The following FNBP1 variants were observed in gnomAD, a reference collection of about 807,000 sequenced individuals.
FNBP1 encodes the protein formin binding protein 1, also known as formin-binding protein 1.
A neutral mutation model predicts 90.6 loss-of-function variants in FNBP1; 26 were observed. That is an observed-to-expected ratio of 0.29 (90% CI 0.21 to 0.40). The LOEUF (loss-of-function observed/expected upper bound fraction) is 0.40, where lower values mean the gene tolerates loss of function less well. FNBP1 is among the 10% of genes least tolerant of loss of function. The pLI, the probability that FNBP1 is intolerant of heterozygous loss-of-function variation, is 1.00. For missense variants in FNBP1, 635 were observed against 768.0 expected, an observed-to-expected ratio of 0.83 and a Z score of 2.05; for synonymous variants, 260 against 265.2, an observed-to-expected ratio of 0.98 and a Z score of 0.19.
At chr9:129,977,172 AT>A (rs1275715149) in intron 4 of FNBP1, among the ~76,000 whole-genome samples, 2 of 152,038 alleles carry the variant, frequency 1.3e-5, no homozygotes, top group Non-Finnish European at 2.9e-5. Context: ...AAAAAAAAAA[AT>A]GTTATCACTG....
intron 8 of FNBP1, among the ~76,000 whole-genome samples, chr9:129,926,729 A>C (rs1028406895): frequency 8.4e-6 from 1 of 119,626 alleles, no homozygotes. Context: ...TCTGCTAAAA[A>C]TACAGAAATT....
At chr9:129,929,542 A>G (rs780032307) in intron 7 of FNBP1, 25 bp downstream of exon 7, 1 of 1,610,414 alleles carries the variant, frequency 6.2e-7, no homozygotes, top group Non-Finnish European at 8.5e-7. Flanking sequence ...TAAAACATGA[A>G]ATCTGAGAGA....
chr9:129,900,173 G>A lies in FNBP1; in HGVS notation c.1551-72C>T, dbSNP rs550106883. ...GGGAGGACTCAGATTGAGTCCCTGC[G>A]ACTGGAGAGCACTTGCAACCCCGCC... On this transcript the variant is annotated intron_variant, in intron 14 of 16. Transcript: ENST00000446176. This position sits in a 1 kb window ranked among gnomAD's most constrained non-coding sequence, Gnocchi z 4.1. The A allele has an allele frequency of 5.1e-5, 75 of 1,465,116 alleles. No individual in the cohort carries two copies. Among genetic ancestry groups the A allele is most frequent in the Middle Eastern group, 1.9e-4 (1 of 5,314 alleles). 90.8% of individuals were successfully genotyped at this position (1,465,116 alleles called of 1,614,324 possible).
At chr9:129,960,383 C>CAAAAAAAAAAAAAAAAAAA (rs10715833) in intron 4 of FNBP1, among the ~76,000 whole-genome samples, 1 of 80,452 alleles carries the variant, frequency 1.2e-5, no homozygotes, top group Non-Finnish European at 2.4e-5. Context: ...GACTCCATCT[C>CAAAAAAAAAAAAAAAAAAA]AAAAAAAAAA....
chr9:129,969,612 T>C (rs182506574), intron 4 of FNBP1, among the ~76,000 whole-genome samples: 12 of 152,196 alleles, frequency 7.9e-5, no homozygotes, highest in Non-Finnish European at 1.3e-4. Flanking sequence ...ATTCCAATTA[T>C]TTAAACTACA....
chr9:129,972,967 T>C (rs4837437), intron 4 of FNBP1, among the ~76,000 whole-genome samples: 144,055 of 152,290 alleles, frequency 0.95, 68,373 homozygotes, highest in East Asian at 0.99. Context: ...ATATTTGTCT[T>C]CTCATAATTG....
rs142483594 is a variant in FNBP1, at chr9:129,963,476, G to A, written c.346-4923C>T. ...CACGGTGTGCACCTTGAATTTACTG[G>A]TAAGTTATCTCTCATGAAGACTGCT... is the stretch of plus-strand genomic sequence containing the variant. On this transcript the variant is annotated intron_variant, in intron 4 of 16. Transcript: ENST00000446176. Among the ~76,000 whole-genome samples the A allele has an allele frequency of 4.5e-3, 683 of 152,138 alleles. 2 individuals carry two copies. The highest frequency in any genetic ancestry group is 7.4e-3 in the Non-Finnish European group (502 of 68,004).
intron 6 of FNBP1, among the ~76,000 whole-genome samples, chr9:129,935,703 G>A (rs944629629): frequency 6.6e-6 from 1 of 151,996 alleles, no homozygotes; most frequent in African/African-American, 2.4e-5. Context: ...TAGCCAGGAT[G>A]GTCTCGATCT....
At chr9:129,928,966 CT>C (rs2042320264) in intron 7 of FNBP1, among the ~76,000 whole-genome samples, 1 of 152,038 alleles carries the variant, frequency 6.6e-6, no homozygotes, top group Non-Finnish European at 1.5e-5. Flanking sequence ...TGGTGCATGC[CT>C]GTAGTTCCAT....
intron 2 of FNBP1, among the ~76,000 whole-genome samples, chr9:129,980,431 G>A (rs2051020934): frequency 6.6e-6 from 1 of 151,868 alleles, no homozygotes; most frequent in Non-Finnish European, 1.5e-5. Context: ...ACCAGCGAGC[G>A]CATGAAAACC....
Position 130,042,878 on chromosome 9 carries a change from G to T in FNBP1, c.24+74C>A. The T allele has an allele frequency of 1.9e-6, 2 of 1,072,932 alleles. No individual in the cohort carries two copies. Among genetic ancestry groups the T allele is most frequent in the Non-Finnish European group, 2.4e-6 (2 of 845,154 alleles). 66.5% of individuals were successfully genotyped at this position (1,072,932 alleles called of 1,614,324 possible). The stretch of plus-strand genomic sequence containing the variant: ...TCGCCTCCGCCCAGCAGCGCGGCCC[G>T]CGCCCCCTCCCCAGGCCGCGGGGAA... On this transcript the variant is annotated intron_variant, in intron 1 of 16. Transcript: ENST00000446176. This position sits in a 1 kb window ranked among gnomAD's most constrained non-coding sequence, Gnocchi z 5.5.
intron 1 of FNBP1, among the ~76,000 whole-genome samples, chr9:130,024,996 A>G (rs1014751465): frequency 1.3e-5 from 2 of 152,118 alleles, no homozygotes; most frequent in African/African-American, 4.8e-5. Context: ...CCTGGCCAAC[A>G]TAGTGAAACC....
chr9:129,998,262 G>T (rs560414226), intron 1 of FNBP1, among the ~76,000 whole-genome samples: 2 of 150,948 alleles, frequency 1.3e-5, no homozygotes, highest in African/African-American at 4.9e-5. Flanking sequence ...CCAGCACTTT[G>T]GGAGGCTGAG....
At chr9:129,961,803 C>T (rs140325421) in intron 4 of FNBP1, among the ~76,000 whole-genome samples, 3 of 152,320 alleles carry the variant, frequency 2.0e-5, no homozygotes, top group African/African-American at 7.2e-5. Flanking sequence ...CCAGGCTGGT[C>T]TCGAACTCCC....
Position 130,042,990 on chromosome 9 carries a change from G to A in FNBP1, c.-15C>T, listed in dbSNP as rs1229864830. ...CCCCAGCTCATGGTGCAGGGGACGC[G>A]AAGGGGCGCTCCGCGCGGCGGGCGC... On this transcript the variant is annotated 5_prime_UTR_variant, in exon 1 of 17. Transcript: ENST00000446176. This position sits in a 1 kb window ranked among gnomAD's most constrained non-coding sequence, Gnocchi z 5.5. 1.6e-6 allele frequency: 2 copies of A among 1,225,336 alleles called. No homozygotes were observed. Among genetic ancestry groups the A allele is most frequent in the Admixed American group, 4.3e-5 (1 of 23,442 alleles). The allele number at this position is 1,225,336 out of a possible 1,614,324, so 75.9% of individuals were successfully genotyped here. A position where few individuals can be genotyped will look rare whatever the true frequency, so the allele number is the denominator to read the frequency against.
upstream of FNBP1, chr9:130,044,767 C>T (rs1201638717): frequency 6.6e-6 from 1 of 152,022 alleles, no homozygotes; most frequent in Non-Finnish European, 1.5e-5. Context: ...GAAACCCCGT[C>T]TCTACTAAAA....
At chr9:129,938,209 G>T (rs927846887) in intron 6 of FNBP1, among the ~76,000 whole-genome samples, 1 of 152,110 alleles carries the variant, frequency 6.6e-6, no homozygotes, top group East Asian at 1.9e-4. Context: ...GCTCTGAAAA[G>T]CTAATGGAGT....
intron 1 of FNBP1, among the ~76,000 whole-genome samples, chr9:130,040,079 G>A (rs546511353): frequency 1.2e-4 from 18 of 152,090 alleles, no homozygotes; most frequent in Admixed American, 1.0e-3. Flanking sequence ...ACTGCCCTCC[G>A]CTGGGCTACC....
intron 1 of FNBP1, among the ~76,000 whole-genome samples, chr9:130,034,136 A>G (rs929548917): frequency 6.6e-6 from 1 of 151,756 alleles, no homozygotes; most frequent in African/African-American, 2.4e-5. Context: ...CCTGGCTAAC[A>G]CTGTGAAACC....
Sources: allele counts gnomAD v4.1 joint callset (sites outside exome capture counted in the v4.1 genomes callset), GRCh38; gene constraint gnomAD v4.1.1; non-coding constraint Gnocchi (gnomAD v3.1); transcripts MANE v1.5; gene names NCBI Gene and HGNC (gene_info 2026-07-23, HGNC 2026-07-21).